Variants in ELAVL4 observed in about 807,000 individuals in gnomAD.
ELAVL4 encodes the protein ELAV like RNA binding protein 4, also known as ELAV-like protein 4.
In ELAVL4, 1 loss-of-function variant was observed where a neutral mutation model predicts 35.6. That is an observed-to-expected ratio of 0.03 (90% CI 0.01 to 0.13). ELAVL4 has a LOEUF of 0.13. ELAVL4 is among the 10% of genes least tolerant of loss of function. The pLI is 1.00. For missense variants in ELAVL4, 267 were observed against 464.9 expected (o/e 0.57, Z 3.91); for synonymous variants, 156 against 171.0 (o/e 0.91, Z 0.69).
intron 1 of ELAVL4, among the ~76,000 whole-genome samples, chr1:50,139,889 T>C (rs986773919): frequency 2.0e-5 from 3 of 152,144 alleles, no homozygotes; most frequent in Middle Eastern, 3.2e-3. Flanking sequence ...GGTTAATGCA[T>C]TGAGTGTGAG....
chr1:50,080,739 A>G (rs1019049559), intron 1 of ELAVL4, among the ~76,000 whole-genome samples: 24 of 151,978 alleles, frequency 1.6e-4, no homozygotes, highest in African/African-American at 5.8e-4. Context: ...TTCAGATGTT[A>G]CCTCCACTGG....
chr1:50,197,510 A>C, intron 6 of ELAVL4, 43 bp downstream of exon 6: 1 of 1,497,752 alleles, frequency 6.7e-7, no homozygotes, highest in Non-Finnish European at 8.9e-7. Context: ...ATGTTGGCAC[A>C]GACTGGGGCT....
intron 3 of ELAVL4, among the ~76,000 whole-genome samples, chr1:50,182,463 G>A (rs1681196801): frequency 6.6e-6 from 1 of 152,148 alleles, no homozygotes; most frequent in Non-Finnish European, 1.5e-5. Context: ...TCTCATGGGG[G>A]ACACAGACAT....
chr1:50,059,255 A>C (rs574642269), intron 1 of ELAVL4, among the ~76,000 whole-genome samples: 1 of 152,286 alleles, frequency 6.6e-6, no homozygotes, highest in South Asian at 2.1e-4. Flanking sequence ...AAAATACTAC[A>C]CTAAAACTTA....
At chr1:50,067,926 C>T (rs967952970) in intron 1 of ELAVL4, among the ~76,000 whole-genome samples, 1 of 152,102 alleles carries the variant, frequency 6.6e-6, no homozygotes, top group African/African-American at 2.4e-5. Context: ...AGAACTCACT[C>T]GCTATCACAA....
chr1:50,106,253 G>A, upstream of ELAVL4: 1 of 1,539,820 alleles, frequency 6.5e-7, no homozygotes, highest in Non-Finnish European at 8.9e-7. Context: ...GACTCTGTGT[G>A]GGAAAGCTGG....
chr1:50,170,412 T>C (rs1358415640), intron 2 of ELAVL4, among the ~76,000 whole-genome samples: 2 of 152,278 alleles, frequency 1.3e-5, no homozygotes, highest in Non-Finnish European at 1.5e-5. Context: ...CCTTCTCTGT[T>C]ACCATGAGTT....
intron 1 of ELAVL4, among the ~76,000 whole-genome samples, chr1:50,082,004 T>A (rs1404148774): frequency 6.6e-6 from 1 of 152,216 alleles, no homozygotes; most frequent in African/African-American, 2.4e-5. Flanking sequence ...GCAAAGGACA[T>A]GAACTCGTCC....
rs1644423832 is a variant in ELAVL4, at chr1:50,202,388, G to A, written c.*1210G>A. 1 of 152,164 alleles carries A rather than the reference G, an allele frequency of 6.6e-6. No individual in the cohort carries two copies. Among genetic ancestry groups the A allele is most frequent in the Non-Finnish European group, 1.5e-5 (1 of 68,020 alleles). 9.4% of individuals were successfully genotyped at this position (152,164 alleles called of 1,614,324 possible). A position where few individuals can be genotyped will look rare whatever the true frequency, so the allele number is the denominator to read the frequency against. ...TCTTAGTATCATAGTTAAATGTAATGTGTTTAGGAGAGGAAAACAAAAGAT... is the reference window on the plus strand; with the variant it reads ...TCTTAGTATCATAGTTAAATGTAATATGTTTAGGAGAGGAAAACAAAAGAT... On this transcript the variant is annotated 3_prime_UTR_variant, in exon 7 of 7. Coordinates refer to ENST00000371824, the MANE Select transcript of ELAVL4 (RefSeq NM_001144774.3).
At position 50,203,397 on chromosome 1, in the gene ELAVL4, C is replaced by T. The variant is rs923321805; in HGVS notation, c.*2219C>T. ...TTTTTCTGTTTTTTTTTCCTCTTTT[C>T]GGTTTTGGATATAACACCAGATTTC... On this transcript the variant is annotated 3_prime_UTR_variant, in exon 7 of 7. Coordinates refer to ENST00000371824, the MANE Select transcript of ELAVL4 (RefSeq NM_001144774.3). 1.3e-5 allele frequency: 2 copies of T among 151,152 alleles called. No individual in the cohort carries two copies. Among genetic ancestry groups the T allele is most frequent in the African/African-American group, 2.4e-5 (1 of 41,170 alleles). 9.4% of individuals were successfully genotyped at this position (151,152 alleles called of 1,614,324 possible). A position where few individuals can be genotyped will look rare whatever the true frequency, so the allele number is the denominator to read the frequency against.
At chr1:50,176,801 G>A (rs1159756514) in intron 2 of ELAVL4, among the ~76,000 whole-genome samples, 1 of 152,192 alleles carries the variant, frequency 6.6e-6, no homozygotes, top group African/African-American at 2.4e-5. Flanking sequence ...CTGATTATGT[G>A]GACACTTGTG....
At chr1:50,152,185 G>T (rs1318432007) in intron 2 of ELAVL4, among the ~76,000 whole-genome samples, 2 of 152,198 alleles carry the variant, frequency 1.3e-5, no homozygotes, top group South Asian at 4.2e-4. Flanking sequence ...CCTCCTGGCT[G>T]TGTTCCCCTT....
chr1:50,111,854 A>G (rs1223045727), intron 1 of ELAVL4, among the ~76,000 whole-genome samples: 2 of 152,128 alleles, frequency 1.3e-5, no homozygotes, highest in East Asian at 3.9e-4. Context: ...ATAAGGATTG[A>G]AAGGTGTAGT....
chr1:50,056,265 A>T (rs1663664659), intron 1 of ELAVL4, among the ~76,000 whole-genome samples: 1 of 152,176 alleles, frequency 6.6e-6, no homozygotes. Context: ...TATTACTAAT[A>T]AGAGTTTTGT....
At chr1:50,186,466 T>C (rs899386637) in intron 3 of ELAVL4, among the ~76,000 whole-genome samples, 3 of 152,132 alleles carry the variant, frequency 2.0e-5, no homozygotes, top group Non-Finnish European at 4.4e-5. Context: ...TAAGTGTAAC[T>C]ATTGCCACTG....
At chr1:50,168,983 T>A (rs1456455160) in intron 2 of ELAVL4, among the ~76,000 whole-genome samples, 1 of 148,532 alleles carries the variant, frequency 6.7e-6, no homozygotes, top group Non-Finnish European at 1.5e-5. Context: ...CATATATATA[T>A]GTATATATAT....
chr1:50,116,986 A>G (rs1668061252), intron 1 of ELAVL4, among the ~76,000 whole-genome samples: 1 of 152,140 alleles, frequency 6.6e-6, no homozygotes, highest in Admixed American at 6.6e-5. Flanking sequence ...ATATTGGGAA[A>G]GTTGTCCTCA....
intron 1 of ELAVL4, among the ~76,000 whole-genome samples, chr1:50,125,086 A>G (rs995909042): frequency 1.2e-4 from 18 of 152,118 alleles, no homozygotes; most frequent in Admixed American, 9.2e-4. Context: ...AGTAAGTAGT[A>G]AGTAGAACAT....
At chr1:50,178,932 G>T (rs1270186770) in intron 3 of ELAVL4, among the ~76,000 whole-genome samples, 2 of 151,228 alleles carry the variant, frequency 1.3e-5, no homozygotes, top group African/African-American at 4.9e-5. Flanking sequence ...TTCTCCAGGG[G>T]CTTAGGATCA....
Sources: allele counts gnomAD v4.1 joint callset (sites outside exome capture counted in the v4.1 genomes callset), GRCh38; gene constraint gnomAD v4.1.1; transcripts MANE v1.5; gene names NCBI Gene and HGNC (gene_info 2026-07-23, HGNC 2026-07-21).